The following MYO18A variants were observed in gnomAD, a reference collection of about 807,000 sequenced individuals.
The protein encoded by MYO18A is myosin XVIIIA.
Under a neutral mutation model 235.8 loss-of-function variants are expected in MYO18A, and 78 were observed. The observed-to-expected ratio is 0.33, with a 90% CI of 0.28 to 0.40. MYO18A has a LOEUF of 0.40. Among genes scored for constraint, MYO18A ranks in the 10% least tolerant of loss-of-function variants. The probability of loss-of-function intolerance (pLI) is 1.00; values close to 1 mark genes in which losing one functional copy is unlikely to be tolerated. For synonymous variants in MYO18A, 977 were observed against 1,077.8 expected (o/e 0.91, Z 1.83); for missense variants, 2,215 against 2,699.3 (o/e 0.82, Z 3.98).
rs951542737 is a variant in MYO18A, at chr17:29,099,737, G to A, written c.3533C>T (p.Ala1178Val). ...SRVFFRAGTLARLEEQRDEQT... is the reference protein window; with the variant it reads ...SRVFFRAGTLVRLEEQRDEQT... ...TTCATCCCGCTGCTCCTCCAGCCGT[G>A]CCAAGGTGCCCGCCCGGAAGAACAC... Residue 1178 changes from alanine (A) to valine (V), a missense_variant, in exon 22 of 42, where the codon GCA becomes GTA. By Grantham distance (64) the Ala-to-Val change is moderately conservative. Transcript: ENST00000527372. The A allele has an allele frequency of 4.3e-6, 7 of 1,613,298 alleles. No homozygotes were observed. Among genetic ancestry groups the A allele is most frequent in the Non-Finnish European group, 5.1e-6 (6 of 1,179,850 alleles).
In MYO18A at chr17:29,097,318, C is replaced by G; in HGVS notation, c.4135G>C (p.Val1379Leu). The change falls in exon 27 of 42, where the codon GTG (valine) becomes CTG (leucine). Residue 1379 changes from valine (V) to leucine (L), a missense_variant. Physicochemically the swap from Val to Leu is conservative, Grantham distance 32. Coordinates refer to ENST00000527372, the MANE Select transcript of MYO18A (RefSeq NM_078471.4). Reference sequence around the variant, plus strand: ...TTCTTGGTGAAGTCCACCTCCCGCACAGCCCGCTCATACTTCAGCCGCCAC... The same window carrying G: ...TTCTTGGTGAAGTCCACCTCCCGCAGAGCCCGCTCATACTTCAGCCGCCAC... ...GEWRLKYERA[V>L]REVDFTKKRL... The G allele has an allele frequency of 6.2e-7, 1 of 1,609,864 alleles. No individual in the cohort carries two copies. Among genetic ancestry groups the G allele is most frequent in the East Asian group, 2.2e-5 (1 of 44,880 alleles).
chr17:29,179,061 G>A (rs1369524676), intron 1 of MYO18A, among the ~76,000 whole-genome samples: 1 of 152,130 alleles, frequency 6.6e-6, no homozygotes, highest in East Asian at 1.9e-4. Flanking sequence ...AGCAGGGAGG[G>A]AATCCAATTC....
chr17:29,097,058 T>C, intron 27 of MYO18A, 143 bp from the exon 28 acceptor site: 2 of 1,384,288 alleles, frequency 1.4e-6, no homozygotes, highest in Non-Finnish European at 1.9e-6. Flanking sequence ...GAAGCTCTAA[T>C]GATAGCTTGC....
intron 10 of MYO18A, 127 bp from the exon 11 acceptor site, chr17:29,116,582 A>C: frequency 8.5e-6 from 8 of 936,624 alleles, no homozygotes; most frequent in Non-Finnish European, 1.2e-5. Context: ...GTAGGCAAGA[A>C]AACACAACCA....
chr17:29,112,185 C>A (rs1475407844), intron 15 of MYO18A, among the ~76,000 whole-genome samples: 1 of 152,242 alleles, frequency 6.6e-6, no homozygotes, highest in African/African-American at 2.4e-5. Context: ...CTCGTCCCCT[C>A]GGAGGTCACC....
In MYO18A at chr17:29,125,654, G is replaced by A. The variant is rs1013754137; in HGVS notation, c.1000-3401C>T. ...GACAATGTGGCCAGAGAAAGGGACT[G>A]GGCCCTGAGCGAGGAGGGGTGCCCT... On this transcript the variant is annotated intron_variant, in intron 2 of 41. Transcript: ENST00000527372. This position sits in a 1 kb window ranked among gnomAD's most constrained non-coding sequence, Gnocchi z 5.1. Among the ~76,000 whole-genome samples the A allele has an allele frequency of 5.9e-5, 9 of 152,222 alleles. No homozygotes were observed. The highest frequency in any genetic ancestry group is 1.0e-4 in the Non-Finnish European group (7 of 68,040).
At chr17:29,170,773 AAG>A (rs1274372041) in intron 1 of MYO18A, among the ~76,000 whole-genome samples, 1 of 152,248 alleles carries the variant, frequency 6.6e-6, no homozygotes, top group Non-Finnish European at 1.5e-5. Flanking sequence ...CTATCACTTT[AAG>A]AGAGTAAGCA....
rs375795409 is a variant in MYO18A at position 29,098,174 on chromosome 17, G to A, written c.3921C>T (p.Ser1307=). 117 of 1,613,808 alleles carry A rather than the reference G, an allele frequency of 7.2e-5. No homozygotes were observed. The highest frequency in any genetic ancestry group is 9.1e-5 in the Non-Finnish European group (107 of 1,179,886). The change falls in exon 25 of 42, where the codon TCC becomes TCT. Residue 1307 remains serine, a synonymous_variant. Coordinates refer to ENST00000527372, the MANE Select transcript of MYO18A (RefSeq NM_078471.4). ...TCTCCGCGTCCAGCAGCTGGGAGGC[G>A]GACTCTCCTGTGTTACGCTCATCTG... ...ELTDERNTGE[S]ASQLLDAETA...
At chr17:29,131,769 A>G (rs1358194604) in intron 2 of MYO18A, among the ~76,000 whole-genome samples, 4 of 152,232 alleles carry the variant, frequency 2.6e-5, no homozygotes, top group African/African-American at 4.8e-5. Context: ...GCAGATGGGA[A>G]GATCCAGCTA....
chr17:29,112,008 TG>T, intron 15 of MYO18A, 145 bp from the exon 16 acceptor site: 3 of 1,072,718 alleles, frequency 2.8e-6, no homozygotes, highest in Non-Finnish European at 3.9e-6. Context: ...TGCCGCTCAC[TG>T]CTGACACCTT....
chr17:29,123,563 C>T (rs535445665), intron 2 of MYO18A, among the ~76,000 whole-genome samples: 1 of 152,338 alleles, frequency 6.6e-6, no homozygotes, highest in African/African-American at 2.4e-5. Flanking sequence ...AGACAGATCC[C>T]TCCAGTGCTG....
chr17:29,174,898 G>T (rs984408243), intron 1 of MYO18A, among the ~76,000 whole-genome samples: 19 of 152,136 alleles, frequency 1.2e-4, no homozygotes, highest in South Asian at 2.1e-4. Context: ...CACTGACCTG[G>T]AAAGATTCTA....
intron 2 of MYO18A, among the ~76,000 whole-genome samples, chr17:29,153,247 G>A (rs539416413): frequency 6.6e-6 from 1 of 151,974 alleles, no homozygotes; most frequent in East Asian, 1.9e-4. Context: ...AGCCTCTTGA[G>A]TAACTGGGAC....
intron 1 of MYO18A, among the ~76,000 whole-genome samples, chr17:29,167,399 A>G (rs1484771436): frequency 6.6e-6 from 1 of 152,106 alleles, no homozygotes; most frequent in Non-Finnish European, 1.5e-5. Flanking sequence ...CTTCAAACCA[A>G]CCTGGGACCT....
chr17:29,093,058 TC>T, intron 32 of MYO18A, 57 bp from the exon 33 acceptor site: 1 of 1,562,356 alleles, frequency 6.4e-7, no homozygotes, highest in South Asian at 1.2e-5. Flanking sequence ...CCTCCTATCT[TC>T]CCCAAGCTCC....
In MYO18A at chr17:29,126,501, G is replaced by A. The variant is rs2067325561; in HGVS notation, c.1000-4248C>T. ...CTGATTCACAGAGTGGGCCAGGTGG[G>A]TGGGGGAAGCGGCGGCTGGCTTTTC... On this transcript the variant is annotated intron_variant, in intron 2 of 41. Transcript: ENST00000527372. This position sits in a 1 kb window ranked among gnomAD's most constrained non-coding sequence, Gnocchi z 4.1. 6.6e-6 allele frequency among the ~76,000 whole-genome samples: 1 copy of A among 152,198 alleles called. No individual in the cohort carries two copies. The highest frequency in any genetic ancestry group is 1.5e-5 in the Non-Finnish European group (1 of 68,036).
chr17:29,177,297 T>C (rs568799565), intron 1 of MYO18A, among the ~76,000 whole-genome samples: 2 of 152,302 alleles, frequency 1.3e-5, no homozygotes, highest in African/African-American at 4.8e-5. Context: ...TTGTAAGTGA[T>C]GATAAACTAC....
At chr17:29,098,741 A>G in intron 23 of MYO18A, 85 bp downstream of exon 23, 1 of 1,535,340 alleles carries the variant, frequency 6.5e-7, no homozygotes, top group South Asian at 1.2e-5. Context: ...TCTCTGGACT[A>G]AACGAAGAAG....
In MYO18A at chr17:29,140,295, G is replaced by A; in HGVS notation, c.1000-18042C>T. 8.5e-7 allele frequency: 1 copy of A among 1,179,130 alleles called. No individual in the cohort carries two copies. Among genetic ancestry groups the A allele is most frequent in the Non-Finnish European group, 1.1e-6 (1 of 924,816 alleles). 73.0% of individuals were successfully genotyped at this position (1,179,130 alleles called of 1,614,324 possible). ...TTTCCTAAATGAGGAAATAGCATGAGGAGCCTGGGACATTTCCGGGGTGGG... is the reference window on the plus strand; with the variant it reads ...TTTCCTAAATGAGGAAATAGCATGAAGAGCCTGGGACATTTCCGGGGTGGG... On this transcript the variant is annotated intron_variant, in intron 2 of 41. Transcript: ENST00000527372. The surrounding 1 kb of genome is among the most constrained non-coding windows in gnomAD (Gnocchi z 4.2).
Sources: allele counts gnomAD v4.1 joint callset (sites outside exome capture counted in the v4.1 genomes callset), GRCh38; gene constraint gnomAD v4.1.1; non-coding constraint Gnocchi (gnomAD v3.1); transcripts MANE v1.5; gene names NCBI Gene and HGNC (gene_info 2026-07-23, HGNC 2026-07-21).